RAF1: variants seen among roughly 807,000 people sequenced by gnomAD.
RAF1 encodes Raf-1 proto-oncogene, serine/threonine kinase.
A neutral mutation model predicts 81.1 loss-of-function variants in RAF1; 27 were observed. The ratio of observed to expected loss-of-function variants is 0.33; its 90% CI spans 0.25 to 0.46. The LOEUF (loss-of-function observed/expected upper bound fraction) is 0.46, where lower values mean the gene tolerates loss of function less well. RAF1 is among the 20% of genes least tolerant of loss of function. The pLI is 1.00. For synonymous variants in RAF1, 298 were observed against 294.0 expected, an observed-to-expected ratio of 1.01 and a Z score of -0.14; for missense variants, 598 against 826.0, an observed-to-expected ratio of 0.72 and a Z score of 3.38.
chr3:12,620,689 G>A (rs370830763), intron 1 of RAF1, among the ~76,000 whole-genome samples: 2 of 152,108 alleles, frequency 1.3e-5, no homozygotes, highest in East Asian at 1.9e-4. Context: ...TGTTGCCCAG[G>A]CTGGTCTTGA....
rs773837578 is a variant in RAF1, at chr3:12,599,746, C to G, written c.1113G>C (p.Leu371=). The G allele has an allele frequency of 6.2e-7, 1 of 1,614,166 alleles. No individual in the cohort carries two copies. Among genetic ancestry groups the G allele is most frequent in the East Asian group, 2.2e-5 (1 of 44,886 alleles). The change falls in exon 11 of 18, where the codon CTG becomes CTC. Residue 371 remains leucine, a synonymous_variant. Coordinates refer to ENST00000442415, the MANE Select transcript of RAF1 (RefSeq NM_001354689.3). Reference sequence around the variant, plus strand: ...AAGAGCCTGACCCAATCCGAGTGGACAGCATCACTTCACTGGCTTCTATTT... The same window carrying G: ...AAGAGCCTGACCCAATCCGAGTGGAGAGCATCACTTCACTGGCTTCTATTT...
At chr3:12,657,816 T>C (rs2060744913) in intron 1 of RAF1, among the ~76,000 whole-genome samples, 1 of 151,242 alleles carries the variant, frequency 6.6e-6, no homozygotes, top group Non-Finnish European at 1.5e-5. Flanking sequence ...TATTCACAGT[T>C]GTGGATCCAT....
At chr3:12,594,289 C>G (rs2058619934) in intron 11 of RAF1, among the ~76,000 whole-genome samples, 1 of 152,116 alleles carries the variant, frequency 6.6e-6, no homozygotes, top group African/African-American at 2.4e-5. Flanking sequence ...ACGCTATGAC[C>G]CAGGCTCCAG....
chr3:12,587,260 A>G (rs1200328730), intron 14 of RAF1: 1 of 350,934 alleles, frequency 2.8e-6, no homozygotes, highest in African/African-American at 2.1e-5. Context: ...TTAAGACAAA[A>G]GCCCAATCCC....
chr3:12,583,747 G>T lies in RAF1; in HGVS notation c.*767C>A. The T allele has an allele frequency of 4.3e-6, 1 of 233,592 alleles. No individual in the cohort carries two copies. The highest frequency in any genetic ancestry group is 8.5e-6 in the Non-Finnish European group (1 of 118,074). The allele number at this position is 233,592 out of a possible 1,614,324, so 14.5% of individuals were successfully genotyped here. A position where few individuals can be genotyped will look rare whatever the true frequency, so the allele number is the denominator to read the frequency against. ...CCTGGCTTCCTTGTATACACATGAT[G>T]TGACTAGAGAAACAAGGCTGTTTGT... is the stretch of plus-strand genomic sequence containing the variant. On this transcript the variant is annotated 3_prime_UTR_variant, in exon 18 of 18. Coordinates refer to ENST00000442415, the MANE Select transcript of RAF1 (RefSeq NM_001354689.3).
chr3:12,639,744 C>T (rs542863195), intron 1 of RAF1, among the ~76,000 whole-genome samples: 3 of 152,284 alleles, frequency 2.0e-5, no homozygotes, highest in African/African-American at 7.2e-5. Context: ...GAAGAACATT[C>T]CATGCTCATG....
chr3:12,584,678 G>T, intron 17 of RAF1, 21 bp from the exon 17 acceptor site: 1 of 1,614,048 alleles, frequency 6.2e-7, no homozygotes, highest in Non-Finnish European at 8.5e-7. Context: ...GCCCAAGAAT[G>T]CTCTCATTAG....
intron 8 of RAF1, among the ~76,000 whole-genome samples, chr3:12,601,481 C>G (rs1213629400): frequency 6.6e-6 from 1 of 152,112 alleles, no homozygotes; most frequent in Non-Finnish European, 1.5e-5. Context: ...TAAAATTCAT[C>G]GCTTGGAATA....
At chr3:12,627,752 G>C (rs2059747088) in intron 1 of RAF1, among the ~76,000 whole-genome samples, 1 of 152,186 alleles carries the variant, frequency 6.6e-6, no homozygotes, top group Admixed American at 6.5e-5. Flanking sequence ...CTGTTATGGT[G>C]TAAATTCTTC....
chr3:12,592,731 CTTTT>C (rs35189562), intron 11 of RAF1, among the ~76,000 whole-genome samples: 39 of 107,224 alleles, frequency 3.6e-4, no homozygotes, highest in African/African-American at 1.4e-3. Context: ...TTAAAAGCCA[CTTTT>C]TTTTTTTTTT....
intron 5 of RAF1, among the ~76,000 whole-genome samples, chr3:12,607,931 C>T (rs1411998228): frequency 1.0e-5 from 1 of 95,264 alleles, no homozygotes; most frequent in African/African-American, 4.2e-5. Flanking sequence ...AGCCTAATGA[C>T]AGAAAGAGAC....
At position 12,659,174 on chromosome 3, in the gene RAF1, T is replaced by C. The variant is rs1575690224; in HGVS notation, c.-27+4639A>G. ...GCAAGATGCCTGAGCGAGCCTGTAA[T>C]GCCAGCACTTTGGGAAGCCGAGGCA... On this transcript the variant is annotated intron_variant, in intron 1 of 17. Transcript: ENST00000442415. Among the ~76,000 whole-genome samples, 5 of 152,110 alleles carry C rather than the reference T, an allele frequency of 3.3e-5. No homozygotes were observed. In the South Asian group the frequency reaches 1.0e-3, roughly 32 times the overall value.
intron 11 of RAF1, among the ~76,000 whole-genome samples, chr3:12,598,209 C>T (rs1159473460): frequency 6.6e-6 from 1 of 151,740 alleles, no homozygotes; most frequent in East Asian, 2.0e-4. Flanking sequence ...TGGGGTTTCA[C>T]GATGTTGCCC....
intron 1 of RAF1, among the ~76,000 whole-genome samples, chr3:12,623,056 C>G (rs2059597006): frequency 1.3e-5 from 2 of 151,946 alleles, no homozygotes; most frequent in African/African-American, 4.8e-5. Flanking sequence ...GCAAGATGAA[C>G]TGTAATAAAT....
At chr3:12,597,180 G>T (rs1385121290) in intron 11 of RAF1, among the ~76,000 whole-genome samples, 2 of 152,146 alleles carry the variant, frequency 1.3e-5, no homozygotes, top group Non-Finnish European at 2.9e-5. Flanking sequence ...TTACAGGCGT[G>T]AGCCACCGCA....
intron 1 of RAF1, among the ~76,000 whole-genome samples, chr3:12,622,613 T>C (rs906549572): frequency 6.6e-6 from 1 of 152,202 alleles, no homozygotes; most frequent in African/African-American, 2.4e-5. Context: ...CAATTAATAC[T>C]GTTTCATTTT....
intron 2 of RAF1, among the ~76,000 whole-genome samples, chr3:12,617,198 T>C (rs959993638): frequency 2.0e-5 from 3 of 152,218 alleles, no homozygotes; most frequent in Non-Finnish European, 4.4e-5. Context: ...CTGCAACCTC[T>C]GCCTCCCGGG....
intron 1 of RAF1, among the ~76,000 whole-genome samples, chr3:12,645,374 T>C (rs1350744649): frequency 6.6e-6 from 1 of 152,150 alleles, no homozygotes; most frequent in African/African-American, 2.4e-5. Flanking sequence ...ATTCATACTA[T>C]CCCTTTTTTT....
intron 3 of RAF1, among the ~76,000 whole-genome samples, chr3:12,611,128 CTT>C (rs1477810536): frequency 6.6e-6 from 1 of 152,068 alleles, no homozygotes; most frequent in Non-Finnish European, 1.5e-5. Context: ...AAAGAAAAAT[CTT>C]TGTCTCAAAA....
Sources: gnomAD v4.1 joint callset for allele counts (sites outside exome capture counted in the v4.1 genomes callset) on GRCh38, gnomAD v4.1.1 for gene constraint, MANE v1.5 for transcripts, NCBI Gene and HGNC (gene_info 2026-07-23, HGNC 2026-07-21) for gene names.